Variants in LRRC37A observed in about 807,000 individuals in gnomAD.
The protein encoded by LRRC37A is leucine-rich repeat-containing protein 37A.
In LRRC37A, 3 loss-of-function variants were observed where a neutral mutation model predicts 35.4. The ratio of observed to expected loss-of-function variants is 0.08; its 90% CI spans 0.04 to 0.22. The LOEUF is 0.22. Ranked by LOEUF, LRRC37A falls within the 10% of genes least tolerant of loss-of-function variation. The pLI is 1.00. For synonymous variants in LRRC37A, 23 were observed against 215.0 expected, an observed-to-expected ratio of 0.11 and a Z score of 7.81; for missense variants, 67 against 565.3, an observed-to-expected ratio of 0.12 and a Z score of 8.94.
the LRRC37A span, among the ~76,000 whole-genome samples, chr17:46,284,702 A>T: frequency 6.6e-6 from 1 of 152,244 alleles, no homozygotes; most frequent in Non-Finnish European, 1.5e-5. Flanking sequence ...GGATGGGTTC[A>T]AAGTGTGGAA....
chr17:46,273,365 T>C, the LRRC37A span, among the ~76,000 whole-genome samples: 2 of 152,262 alleles, frequency 1.3e-5, no homozygotes, highest in South Asian at 4.1e-4. Flanking sequence ...GTCTCTTTAG[T>C]TTGTAAACAT....
chr17:46,282,171 C>T, the LRRC37A span, among the ~76,000 whole-genome samples: 5 of 151,624 alleles, frequency 3.3e-5, no homozygotes, highest in Admixed American at 1.3e-4. Context: ...GGCGCAATCT[C>T]GGCTCACTGC....
chr17:46,298,723 CA>C (rs1189992034), intron 1 of LRRC37A, among the ~76,000 whole-genome samples: 1 of 40,438 alleles, frequency 2.5e-5, no homozygotes, highest in Admixed American at 4.0e-4. Context: ...GACTCCATCT[CA>C]AAAAAAAAAA....
chr17:46,290,135 A>G (rs1247321230), upstream of LRRC37A, among the ~76,000 whole-genome samples: 1 of 152,208 alleles, frequency 6.6e-6, no homozygotes, highest in Admixed American at 6.5e-5. Flanking sequence ...AAACAAAACA[A>G]AACTTTTTTT....
At chr17:46,278,532 T>C in the LRRC37A span, among the ~76,000 whole-genome samples, 1 of 151,508 alleles carries the variant, frequency 6.6e-6, no homozygotes, top group East Asian at 2.0e-4. Flanking sequence ...GCCTCCTGAG[T>C]AGCTGGGATT....
chr17:46,271,538 TCTAA>T, the LRRC37A span, among the ~76,000 whole-genome samples: 1 of 152,020 alleles, frequency 6.6e-6, no homozygotes, highest in African/African-American at 2.4e-5. Flanking sequence ...TGTAACTTTG[TCTAA>T]CTAAGTGTGC....
chr17:46,279,656 C>G, the LRRC37A span, among the ~76,000 whole-genome samples: 127 of 152,058 alleles, frequency 8.4e-4, no homozygotes, highest in African/African-American at 2.8e-3. Flanking sequence ...CATCACCATG[C>G]CTGGCTAATT....
chr17:46,290,003 C>T (rs1326507075), upstream of LRRC37A, among the ~76,000 whole-genome samples: 1 of 152,232 alleles, frequency 6.6e-6, no homozygotes, highest in African/African-American at 2.4e-5. Context: ...CCTGTAGTGC[C>T]AACTACTTGG....
chr17:46,332,542 T>G lies in LRRC37A; in HGVS notation c.4705-10T>G, dbSNP rs1396531243. 1.4e-6 allele frequency: 2 copies of G among 1,444,714 alleles called. No individual in the cohort carries two copies. Among genetic ancestry groups the G allele is most frequent in the East Asian group, 2.6e-5 (1 of 38,900 alleles). 89.5% of individuals were successfully genotyped at this position (1,444,714 alleles called of 1,614,324 possible). A position where few individuals can be genotyped will look rare whatever the true frequency, so the allele number is the denominator to read the frequency against. ...CATTCTGGTTTTTTTTTGTGTGTTT[T>G]TTTTTTTAGCTCAAAAAAGAAGTTC... On this transcript the variant is annotated splice_polypyrimidine_tract_variant and intron_variant, in intron 9 of 13. Transcript: ENST00000320254.
upstream of LRRC37A, among the ~76,000 whole-genome samples, chr17:46,291,410 C>T (rs7223609): frequency 0.1 from 15,459 of 148,286 alleles, 162 homozygotes; most frequent in Non-Finnish European, 0.16. Flanking sequence ...ACTCCAGATG[C>T]AGAAGGAGGA....
the LRRC37A span, among the ~76,000 whole-genome samples, chr17:46,252,966 G>A: frequency 1.3e-5 from 2 of 149,374 alleles, no homozygotes; most frequent in East Asian, 1.9e-4. Context: ...TGGCTGCCGG[G>A]CGGAGACGCT....
At chr17:46,257,263 A>G in the LRRC37A span, among the ~76,000 whole-genome samples, 1 of 151,890 alleles carries the variant, frequency 6.6e-6, no homozygotes, top group East Asian at 1.9e-4. Context: ...ACTGGCCAAC[A>G]TGGCAAAACC....
chr17:46,253,777 G>C, the LRRC37A span, among the ~76,000 whole-genome samples: 1 of 151,022 alleles, frequency 6.6e-6, no homozygotes, highest in African/African-American at 2.4e-5. Context: ...GAGGGGGAGG[G>C]GAGGGGGAGA....
chr17:46,289,883 G>C (rs1204774095), upstream of LRRC37A, among the ~76,000 whole-genome samples: 1 of 152,228 alleles, frequency 6.6e-6, no homozygotes, highest in Non-Finnish European at 1.5e-5. Context: ...AGTTTGGGAG[G>C]CCGAGGGCGG....
At chr17:46,261,184 C>T in the LRRC37A span, among the ~76,000 whole-genome samples, 1 of 152,134 alleles carries the variant, frequency 6.6e-6, no homozygotes, top group Non-Finnish European at 1.5e-5. Context: ...TAACCAAACA[C>T]CAGCTGTTCC....
At chr17:46,260,356 G>C in the LRRC37A span, 1 of 1,514,904 alleles carries the variant, frequency 6.6e-7, no homozygotes, top group Non-Finnish European at 8.8e-7. Context: ...GTCATCATCA[G>C]GCGGAACTCG....
chr17:46,267,197 C>A, the LRRC37A span: 1 of 618,614 alleles, frequency 1.6e-6, no homozygotes, highest in Non-Finnish European at 2.7e-6. Flanking sequence ...CTTTCCGAGT[C>A]CCGGAGAATC....
intron 3 of LRRC37A, 149 bp from the exon 4 acceptor site, chr17:46,305,360 G>A: frequency 3.2e-6 from 1 of 316,470 alleles, no homozygotes; most frequent in Non-Finnish European, 7.0e-6. Context: ...GGTATGGGCA[G>A]GGTTAGGGGC....
chr17:46,257,324 TG>T, the LRRC37A span, among the ~76,000 whole-genome samples: 3 of 151,986 alleles, frequency 2.0e-5, no homozygotes, highest in Admixed American at 1.3e-4. Context: ...GGCACGTGAT[TG>T]TAATCCCAGT....
Sources: allele counts gnomAD v4.1 joint callset (sites outside exome capture counted in the v4.1 genomes callset), GRCh38; gene constraint gnomAD v4.1.1; transcripts MANE v1.5; gene names NCBI Gene and HGNC (gene_info 2026-07-23, HGNC 2026-07-21).